Variants in GRM5 observed in about 807,000 individuals in gnomAD.
GRM5 encodes the protein metabotropic glutamate receptor 5.
Under a neutral mutation model 83.1 loss-of-function variants are expected in GRM5, and 19 were observed. The ratio of observed to expected loss-of-function variants is 0.23; its 90% CI spans 0.16 to 0.34. The LOEUF is 0.34. Among genes scored for constraint, GRM5 ranks in the 10% least tolerant of loss-of-function variants. The pLI is 1.00. For missense variants in GRM5, 1,160 were observed against 1,588.3 expected (o/e 0.73, Z 4.58); for synonymous variants, 675 against 633.6 (o/e 1.07, Z -0.98).
At chr11:88,849,805 T>C in intron 3 of GRM5, 101 bp downstream of exon 3, 1 of 1,125,334 alleles carries the variant, frequency 8.9e-7, no homozygotes, top group South Asian at 1.4e-5. Context: ...ACTGCACAGA[T>C]TAAGCTTTGA....
chr11:88,536,790 A>T (rs931878002), intron 8 of GRM5, among the ~76,000 whole-genome samples: 1 of 152,190 alleles, frequency 6.6e-6, no homozygotes, highest in African/African-American at 2.4e-5. Flanking sequence ...CTACAGATTT[A>T]TTGCCACATT....
chr11:88,989,893 C>G (rs1157051940), intron 2 of GRM5, among the ~76,000 whole-genome samples: 2 of 151,660 alleles, frequency 1.3e-5, no homozygotes, highest in African/African-American at 4.9e-5. Flanking sequence ...GCACTAAATG[C>G]CCACAAGAGA....
chr11:88,568,497 G>A (rs576969866), intron 7 of GRM5, among the ~76,000 whole-genome samples: 2 of 152,228 alleles, frequency 1.3e-5, no homozygotes, highest in African/African-American at 4.8e-5. Context: ...TGTAACAAGT[G>A]GCCTAAGATG....
rs1273960739 is a variant in GRM5, at chr11:89,050,050, C to A, written c.-200-1978G>T. On this transcript the variant is annotated intron_variant, in intron 1 of 9. Coordinates refer to ENST00000305447, the MANE Select transcript of GRM5 (RefSeq NM_001143831.3). ...AAGAACATCAAAGTGATATGAGAGACCTGGTGTCCTGTCAGGCTCGTGTGG... is the reference window on the plus strand; with the variant it reads ...AAGAACATCAAAGTGATATGAGAGAACTGGTGTCCTGTCAGGCTCGTGTGG... 2.6e-5 allele frequency among the ~76,000 whole-genome samples: 4 copies of A among 152,270 alleles called. No individual in the cohort carries two copies. In the East Asian group the frequency reaches 7.7e-4, roughly 29 times the overall value.
chr11:88,837,611 A>G (rs1183616277), intron 3 of GRM5, among the ~76,000 whole-genome samples: 9 of 152,186 alleles, frequency 5.9e-5, no homozygotes, highest in South Asian at 2.1e-4. Flanking sequence ...AAGCTCTAGT[A>G]TTAGAAGAGG....
chr11:88,927,703 C>T (rs1328811433), intron 2 of GRM5, among the ~76,000 whole-genome samples: 2 of 152,120 alleles, frequency 1.3e-5, no homozygotes, highest in South Asian at 2.1e-4. Context: ...CTGAAAACAT[C>T]ACAAAGTTAA....
chr11:88,631,926 A>G (rs1938979891), intron 4 of GRM5, among the ~76,000 whole-genome samples: 1 of 152,336 alleles, frequency 6.6e-6, no homozygotes, highest in East Asian at 1.9e-4. Flanking sequence ...TATGTTTTAT[A>G]GATATATATG....
chr11:88,655,835 T>A (rs1349741601), intron 3 of GRM5, among the ~76,000 whole-genome samples: 1 of 152,126 alleles, frequency 6.6e-6, no homozygotes, highest in Non-Finnish European at 1.5e-5. Context: ...GGAGATAGTG[T>A]GTAAACAGAA....
chr11:88,680,186 T>A (rs1421035050), intron 3 of GRM5, among the ~76,000 whole-genome samples: 1 of 152,104 alleles, frequency 6.6e-6, no homozygotes, highest in Non-Finnish European at 1.5e-5. Flanking sequence ...ACCCAATAAC[T>A]TACTCGACAT....
chr11:88,831,532 T>A (rs1943994039), intron 3 of GRM5, among the ~76,000 whole-genome samples: 1 of 152,150 alleles, frequency 6.6e-6, no homozygotes, highest in Non-Finnish European at 1.5e-5. Context: ...ATGTACCTAT[T>A]TGGGACCTCA....
chr11:88,746,827 G>C (rs1201028170), intron 3 of GRM5, among the ~76,000 whole-genome samples: 1 of 152,090 alleles, frequency 6.6e-6, no homozygotes, highest in African/African-American at 2.4e-5. Context: ...TATGGCTGCT[G>C]TTGCCAATAT....
intron 2 of GRM5, among the ~76,000 whole-genome samples, chr11:89,003,423 A>AG (rs1196761872): frequency 6.6e-6 from 1 of 152,148 alleles, no homozygotes; most frequent in Non-Finnish European, 1.5e-5. Flanking sequence ...GAGCAGGGTG[A>AG]GGGGGGAAGA....
At chr11:88,762,604 T>G (rs1942546519) in intron 3 of GRM5, among the ~76,000 whole-genome samples, 1 of 152,018 alleles carries the variant, frequency 6.6e-6, no homozygotes, top group Non-Finnish European at 1.5e-5. Context: ...GTTCAACTAT[T>G]GTGGAAAGCA....
intron 2 of GRM5, among the ~76,000 whole-genome samples, chr11:88,951,363 T>C (rs1488655899): frequency 1.3e-5 from 2 of 152,316 alleles, no homozygotes; most frequent in Non-Finnish European, 2.9e-5. Flanking sequence ...TTGGGAGATA[T>C]GAGAAGTTAA....
intron 7 of GRM5, among the ~76,000 whole-genome samples, chr11:88,579,981 A>G (rs1322915571): frequency 6.6e-6 from 1 of 152,182 alleles, no homozygotes; most frequent in Non-Finnish European, 1.5e-5. Context: ...GGTAGTGAGA[A>G]GTGGTGGAAT....
intron 5 of GRM5, among the ~76,000 whole-genome samples, chr11:88,604,126 G>T (rs1386886685): frequency 6.6e-6 from 1 of 152,004 alleles, no homozygotes; most frequent in Non-Finnish European, 1.5e-5. Context: ...TTTCTCTGGG[G>T]ACTGACCTAT....
At chr11:88,894,827 T>C (rs1565281310) in intron 2 of GRM5, among the ~76,000 whole-genome samples, 1 of 151,954 alleles carries the variant, frequency 6.6e-6, no homozygotes, top group East Asian at 1.9e-4. Flanking sequence ...GAACACATTT[T>C]TTGTCTCTCT....
chr11:88,931,237 C>G (rs1174189013), intron 2 of GRM5, among the ~76,000 whole-genome samples: 1 of 151,618 alleles, frequency 6.6e-6, no homozygotes, highest in East Asian at 1.9e-4. Flanking sequence ...AAATAAAACA[C>G]TTCATCTTAC....
chr11:88,981,877 A>G (rs1939535298), intron 2 of GRM5, among the ~76,000 whole-genome samples: 1 of 152,186 alleles, frequency 6.6e-6, no homozygotes, highest in Non-Finnish European at 1.5e-5. Flanking sequence ...CCTACAGGAG[A>G]AATTGGCATC....
Sources: allele counts gnomAD v4.1 joint callset (sites outside exome capture counted in the v4.1 genomes callset), GRCh38; gene constraint gnomAD v4.1.1; transcripts MANE v1.5; gene names NCBI Gene and HGNC (gene_info 2026-07-23, HGNC 2026-07-21).